Variants in FKBP15 observed in about 807,000 individuals in gnomAD.
The protein encoded by FKBP15 is FKBP prolyl isomerase family member 15, also known as FK506-binding protein 15.
Under a neutral mutation model 158.1 loss-of-function variants are expected in FKBP15, and 106 were observed. The observed-to-expected ratio is 0.67, with a 90% CI of 0.57 to 0.79. The LOEUF is 0.79. Ranked by LOEUF, FKBP15 falls within the 30% of genes least tolerant of loss-of-function variation. The pLI is 0.00. For missense variants in FKBP15, 1,287 were observed against 1,479.1 expected, an observed-to-expected ratio of 0.87 and a Z score of 2.13; for synonymous variants, 547 against 548.6, an observed-to-expected ratio of 1.00 and a Z score of 0.04.
In FKBP15 at chr9:113,184,350, C is replaced by T. The variant is rs765742723; in HGVS notation, c.1658G>A (p.Ser553Asn). 3.6e-5 allele frequency: 58 copies of T among 1,607,192 alleles called. No homozygotes were observed. The highest frequency in any genetic ancestry group is 4.8e-5 in the Non-Finnish European group (57 of 1,176,606). ...GCTTGTTTCCATTGTAACTGACATG[C>T]TAGGAATAAGCATGGAATTGCCAGC... Reference protein sequence around the residue: ...HSAGNSMLIPSMSVTMETSMI... With the variant: ...HSAGNSMLIPNMSVTMETSMI... Residue 553 changes from serine to asparagine, a missense_variant, in exon 17 of 28, where the codon AGC (serine) becomes AAC (asparagine). Physicochemically the swap from Ser to Asn is conservative, Grantham distance 46 (BLOSUM62 1). Coordinates refer to ENST00000238256, the MANE Select transcript of FKBP15 (RefSeq NM_015258.2). This position sits in a 1 kb window ranked among gnomAD's most constrained non-coding sequence, Gnocchi z 4.5.
intron 14 of FKBP15, 150 bp from the exon 15 acceptor site, chr9:113,186,513 T>C (rs1029530876): frequency 8.0e-6 from 5 of 626,080 alleles, no homozygotes; most frequent in African/African-American, 7.3e-5. Flanking sequence ...GTTTGGCAGT[T>C]GGTAAGGACT....
Position 113,173,446 on chromosome 9 carries a change from T to C in FKBP15, c.2532+7A>G, listed in dbSNP as rs917449781. The C allele has an allele frequency of 1.2e-6, 2 of 1,612,076 alleles. No individual in the cohort carries two copies. Among genetic ancestry groups the C allele is most frequent in the East Asian group, 2.2e-5 (1 of 44,826 alleles). ...CCTAAACTGTCTGACTCAAGAAAAA[T>C]ATGTACCTTTTCCTGAAGTTGTACC... On this transcript the variant is annotated splice_region_variant and intron_variant, in intron 23 of 27. Transcript: ENST00000238256.
intron 9 of FKBP15, among the ~76,000 whole-genome samples, chr9:113,196,642 C>G (rs1830690894): frequency 6.6e-6 from 1 of 152,124 alleles, no homozygotes; most frequent in Non-Finnish European, 1.5e-5. Flanking sequence ...CTCGGCCTCC[C>G]AAAGTGCTGG....
At chr9:113,208,915 A>G (rs2118944152) in intron 2 of FKBP15, among the ~76,000 whole-genome samples, 1 of 151,154 alleles carries the variant, frequency 6.6e-6, no homozygotes, top group South Asian at 2.1e-4. Context: ...CTGAGGCATG[A>G]GAATCACTTG....
In FKBP15 at chr9:113,184,824, A is replaced by C; in HGVS notation, c.1499-20T>G. On this transcript the variant is annotated intron_variant, in intron 15 of 27. Transcript: ENST00000238256. This position sits in a 1 kb window ranked among gnomAD's most constrained non-coding sequence, Gnocchi z 4.5. Reference sequence around the variant, plus strand: ...CTGATCCTAAACAGATACAAGCCAAAAAGAAACTTATGAAACTGGAGCAGA... The same window carrying C: ...CTGATCCTAAACAGATACAAGCCAACAAGAAACTTATGAAACTGGAGCAGA... 1.3e-6 allele frequency: 2 copies of C among 1,560,534 alleles called. No individual in the cohort carries two copies. The highest frequency in any genetic ancestry group is 4.6e-5 in the East Asian group (2 of 43,434).
intron 15 of FKBP15, among the ~76,000 whole-genome samples, chr9:113,185,503 G>T (rs1830471406): frequency 6.6e-6 from 1 of 152,198 alleles, no homozygotes; most frequent in East Asian, 1.9e-4. Context: ...AAATTATGTT[G>T]CAGGACATAC....
intron 12 of FKBP15, among the ~76,000 whole-genome samples, chr9:113,190,222 A>G (rs1830551509): frequency 6.6e-6 from 1 of 152,252 alleles, no homozygotes; most frequent in Admixed American, 6.5e-5. Flanking sequence ...AGATTCTAGT[A>G]AAGAAGGCTA....
At chr9:113,189,612 T>C (rs940705791) in intron 12 of FKBP15, among the ~76,000 whole-genome samples, 4 of 152,066 alleles carry the variant, frequency 2.6e-5, no homozygotes, top group African/African-American at 9.7e-5. Flanking sequence ...TAAATCTACA[T>C]AGAGCTTTTC....
intron 27 of FKBP15, among the ~76,000 whole-genome samples, chr9:113,166,755 C>T (rs890099864): frequency 2.6e-5 from 4 of 152,190 alleles, no homozygotes; most frequent in Non-Finnish European, 4.4e-5. Flanking sequence ...CACCCTCGCT[C>T]CTTCCAGCTA....
intron 1 of FKBP15, among the ~76,000 whole-genome samples, chr9:113,216,083 G>GAA (rs71491081): frequency 0.15 from 12,775 of 85,818 alleles, 1,019 homozygotes; most frequent in East Asian, 0.38. Context: ...TTTATTTTGT[G>GAA]AAAAAAAAAA....
At position 113,203,020 on chromosome 9, in the gene FKBP15, A is replaced by G. The variant is rs1830822866; in HGVS notation, c.340T>C (p.Tyr114His). 1 of 1,611,968 alleles carries G rather than the reference A, an allele frequency of 6.2e-7. No homozygotes were observed. The highest frequency in any genetic ancestry group is 1.1e-5 in the South Asian group (1 of 90,808). ...HTAREYRILL[Y>H]ISQQQPVTVA... is the part of the protein sequence containing the mutation. ...GTAACTGGCTGTTGTTGACTGATAT[A>G]AAGAAGAATCCTATACTGTAGACAA... The change falls in exon 5 of 28, where the codon TAT (tyrosine) becomes CAT (histidine). Residue 114 changes from tyrosine to histidine, a missense_variant. Coordinates refer to ENST00000238256, the MANE Select transcript of FKBP15 (RefSeq NM_015258.2).
intron 2 of FKBP15, among the ~76,000 whole-genome samples, 170 bp downstream of exon 2, chr9:113,211,307 C>T (rs980644905): frequency 4.6e-5 from 7 of 152,092 alleles, no homozygotes; most frequent in Admixed American, 2.0e-4. Flanking sequence ...TACAGGCACA[C>T]GCCACCACAC....
chr9:113,189,853 G>T (rs1004572739), intron 12 of FKBP15, among the ~76,000 whole-genome samples: 1 of 151,972 alleles, frequency 6.6e-6, no homozygotes, highest in Non-Finnish European at 1.5e-5. Flanking sequence ...ATTCCAAATG[G>T]ATTAAAAATT....
chr9:113,214,939 T>C (rs796069421), intron 1 of FKBP15, among the ~76,000 whole-genome samples: 21 of 152,362 alleles, frequency 1.4e-4, no homozygotes, highest in African/African-American at 4.8e-4. Flanking sequence ...GCTTTTCTTC[T>C]GCAGCATCCT....
chr9:113,195,992 A>G (rs1024817518), intron 9 of FKBP15, among the ~76,000 whole-genome samples: 7 of 151,628 alleles, frequency 4.6e-5, no homozygotes, highest in Admixed American at 4.0e-4. Context: ...GACTATGTAT[A>G]TGGATATGTA....
intron 1 of FKBP15, among the ~76,000 whole-genome samples, chr9:113,216,852 G>A (rs1334479709): frequency 6.6e-6 from 1 of 151,548 alleles, no homozygotes; most frequent in Non-Finnish European, 1.5e-5. Flanking sequence ...AGACTACAAA[G>A]TCGATCCAAA....
At position 113,168,991 on chromosome 9, in the gene FKBP15, TGCCCGCCACACTACCGCAGG is replaced by T. The variant is rs1488077796; in HGVS notation, c.3485+213_3485+232del. ...CACAGGGCCCACCACACTACCACAG[TGCCCGCCACACTACCGCAGG>T]GCCCGCCACACTACCACAGGGCCCG... On this transcript the variant is annotated intron_variant, in intron 26 of 27. Coordinates refer to ENST00000238256, the MANE Select transcript of FKBP15 (RefSeq NM_015258.2). Among the ~76,000 whole-genome samples, 1,112 of 145,838 alleles carry T rather than the reference TGCCCGCCACACTACCGCAGG, an allele frequency of 7.6e-3. 19 individuals are homozygous for T. The highest frequency in any genetic ancestry group is 0.027 in the African/African-American group (1,059 of 39,570).
chr9:113,172,410 T>A (rs1048034101), intron 23 of FKBP15, among the ~76,000 whole-genome samples: 1 of 152,182 alleles, frequency 6.6e-6, no homozygotes, highest in African/African-American at 2.4e-5. Flanking sequence ...TCTAGATCCT[T>A]AAGGAATCGC....
At chr9:113,186,534 A>G (rs1830489345) in intron 14 of FKBP15, 171 bp from the exon 15 acceptor site, 1 of 592,404 alleles carries the variant, frequency 1.7e-6, no homozygotes, top group Admixed American at 2.9e-5. Context: ...GCAGCAGGAG[A>G]GTTATCTATG....
Sources: gnomAD v4.1 joint callset for allele counts (sites outside exome capture counted in the v4.1 genomes callset) on GRCh38, gnomAD v4.1.1 for gene constraint, Gnocchi (gnomAD v3.1) non-coding constraint, MANE v1.5 for transcripts, NCBI Gene and HGNC (gene_info 2026-07-23, HGNC 2026-07-21) for gene names.